CALM2: variants seen among roughly 807,000 people sequenced by gnomAD.
CALM2 encodes calmodulin 2.
Under a neutral mutation model 19.8 loss-of-function variants are expected in CALM2, and 2 were observed. The observed-to-expected ratio is 0.10, with a 90% CI of 0.04 to 0.32. The LOEUF is 0.32. Ranked by LOEUF, CALM2 falls within the 10% of genes least tolerant of loss-of-function variation. The pLI is 1.00. For synonymous variants in CALM2, 51 were observed against 52.1 expected, an observed-to-expected ratio of 0.98 and a Z score of 0.09; for missense variants, 38 against 178.7, an observed-to-expected ratio of 0.21 and a Z score of 4.49.
At chr2:47,164,579 AGAGT>A (rs1168893726) in intron 2 of CALM2, among the ~76,000 whole-genome samples, 8 of 150,720 alleles carry the variant, frequency 5.3e-5, no homozygotes, top group South Asian at 2.1e-4. Context: ...CTTGGGCAAC[AGAGT>A]GAGACTTGTC....
At chr2:47,164,392 G>C (rs1334072241) in intron 2 of CALM2, among the ~76,000 whole-genome samples, 8 of 137,864 alleles carry the variant, frequency 5.8e-5, no homozygotes, top group Non-Finnish European at 1.1e-4. Context: ...ACACACGCTG[G>C]GTGTGGCAGC....
intron 1 of CALM2, among the ~76,000 whole-genome samples, chr2:47,174,795 A>G (rs945331492): frequency 2.0e-5 from 3 of 152,210 alleles, no homozygotes; most frequent in African/African-American, 2.4e-5. Flanking sequence ...TTTATTACAT[A>G]TGCCTGTAAC....
chr2:47,176,257 G>A, intron 1 of CALM2, 184 bp downstream of exon 1: 2 of 664,558 alleles, frequency 3.0e-6, no homozygotes, highest in South Asian at 1.9e-5. Context: ...CCCCTGAAGA[G>A]AATGGGGGTG....
At chr2:47,170,931 A>C (rs1666645694) in intron 1 of CALM2, 167 bp from the exon 2 acceptor site, 1 of 636,206 alleles carries the variant, frequency 1.6e-6, no homozygotes, top group Non-Finnish European at 2.9e-6. Flanking sequence ...CTTATCTTCA[A>C]AGCTAAGCTG....
intron 1 of CALM2, among the ~76,000 whole-genome samples, chr2:47,175,093 T>TG (rs1666808344): frequency 4.3e-5 from 6 of 138,408 alleles, no homozygotes; most frequent in South Asian, 2.2e-4. Flanking sequence ...TTTTTTTTTT[T>TG]TTTTTCAGGA....
At chr2:47,170,872 G>GCACA in intron 1 of CALM2, 108 bp from the exon 2 acceptor site, 1 of 861,326 alleles carries the variant, frequency 1.2e-6, no homozygotes, top group Non-Finnish European at 2.0e-6. Context: ...GTTTCATTTA[G>GCACA]TTCCAGCAAC....
intron 1 of CALM2, 39 bp downstream of exon 1, chr2:47,176,402 C>G (rs753710020): frequency 6.6e-5 from 106 of 1,611,038 alleles, no homozygotes; most frequent in Non-Finnish European, 7.5e-5. Flanking sequence ...GTCTCTTCCC[C>G]CCACAGGCCC....
chr2:47,162,839 T>C, intron 2 of CALM2, 177 bp from the exon 3 acceptor site: 1 of 518,086 alleles, frequency 1.9e-6, no homozygotes, highest in Admixed American at 3.7e-5. Context: ...CAAAAACTTT[T>C]AACGGAAAAA....
Position 47,161,863 on chromosome 2 carries a change from C to T in CALM2, c.286-5G>A, listed in dbSNP as rs750307914. The T allele has an allele frequency of 1.9e-6, 3 of 1,599,496 alleles. No homozygotes were observed. In the Admixed American group the frequency reaches 5.3e-5, roughly 28 times the overall value. On this transcript the variant is annotated splice_polypyrimidine_tract_variant and splice_region_variant and intron_variant, in intron 4 of 5. Coordinates refer to ENST00000272298, the MANE Select transcript of CALM2 (RefSeq NM_001743.6). ...ACTAATATAGCCATTGCCATCCTAG[C>T]AAAAAATTTAGTATAGTTTCTGAGT...
In CALM2 at chr2:47,172,681, G is replaced by T. The variant is rs111462821; in HGVS notation, c.4-1917C>A. 464 of 309,326 alleles carry T rather than the reference G, an allele frequency of 1.5e-3. 2 individuals carry two copies. Among genetic ancestry groups the T allele is most frequent in the African/African-American group, 9.8e-3 (445 of 45,312 alleles). The allele number at this position is 309,326 out of a possible 1,614,324, so 19.2% of individuals were successfully genotyped here. On this transcript the variant is annotated intron_variant, in intron 1 of 5. Coordinates refer to ENST00000272298, the MANE Select transcript of CALM2 (RefSeq NM_001743.6). ...GGTGCAACCCAGCGACAGATGCAGC[G>T]GACATCACTTTAAGGCTAAAAAAAA...
intron 2 of CALM2, among the ~76,000 whole-genome samples, chr2:47,164,697 A>G (rs1030606280): frequency 1.3e-5 from 2 of 152,228 alleles, no homozygotes; most frequent in East Asian, 3.8e-4. Context: ...CAAGTAAGTC[A>G]TTTCCCAGAA....
chr2:47,166,330 T>C (rs903401731), intron 2 of CALM2, among the ~76,000 whole-genome samples: 2 of 152,210 alleles, frequency 1.3e-5, no homozygotes, highest in African/African-American at 4.8e-5. Flanking sequence ...GGGTATCTTT[T>C]AACACCACCA....
At chr2:47,176,810 G>C, upstream of CALM2, 1 of 985,420 alleles carries the variant, frequency 1.0e-6, no homozygotes, top group Non-Finnish European at 1.2e-6. Context: ...TGCGTCCCCC[G>C]TTGGTCGTTG....
At chr2:47,166,895 T>C (rs1666494411) in intron 2 of CALM2, among the ~76,000 whole-genome samples, 1 of 151,906 alleles carries the variant, frequency 6.6e-6, no homozygotes, top group African/African-American at 2.4e-5. Flanking sequence ...AAAATCCATT[T>C]TAGCTGACCA....
chr2:47,176,712 G>A (rs969394585), upstream of CALM2: 44 of 1,391,718 alleles, frequency 3.2e-5, no homozygotes, highest in African/African-American at 6.3e-4. Flanking sequence ...ACGTAAGTGG[G>A]TTTCATTTCC....
chr2:47,171,962 A>G (rs940658519), intron 1 of CALM2: 8 of 142,294 alleles, frequency 5.6e-5, no homozygotes, highest in African/African-American at 1.9e-4. Context: ...TTGTTTGACC[A>G]TGATGTAAAT....
intron 1 of CALM2, among the ~76,000 whole-genome samples, chr2:47,175,025 C>G (rs1269055871): frequency 1.3e-5 from 2 of 149,500 alleles, no homozygotes; most frequent in Non-Finnish European, 3.0e-5. Flanking sequence ...ATCGCTGTAA[C>G]CACTTGGCAG....
chr2:47,172,428 G>A (rs144055598), intron 1 of CALM2: 1 of 823,602 alleles, frequency 1.2e-6, no homozygotes, highest in Non-Finnish European at 1.8e-6. Flanking sequence ...CAGGGTTGTT[G>A]TGCAAAGTGA....
At chr2:47,176,335 A>G (rs1274664152) in intron 1 of CALM2, 106 bp downstream of exon 1, 54 of 1,393,210 alleles carry the variant, frequency 3.9e-5, no homozygotes, top group Non-Finnish European at 5.2e-5. Context: ...TCTGGCAGAA[A>G]CCACTCCTTG....
Sources: gnomAD v4.1 joint callset for allele counts (sites outside exome capture counted in the v4.1 genomes callset) on GRCh38, gnomAD v4.1.1 for gene constraint, MANE v1.5 for transcripts, NCBI Gene and HGNC (gene_info 2026-07-23, HGNC 2026-07-21) for gene names.